The following ERP44 variants were observed in gnomAD, a reference collection of about 807,000 sequenced individuals.
ERP44 encodes endoplasmic reticulum resident protein 44.
ERP44 carries 25 observed loss-of-function variants against 53.4 expected under a neutral mutation model. The ratio of observed to expected loss-of-function variants is 0.47; its 90% CI spans 0.34 to 0.65. The LOEUF is 0.65. Among genes scored for constraint, ERP44 ranks in the 30% least tolerant of loss-of-function variants. The pLI, the probability that ERP44 is intolerant of heterozygous loss-of-function variation, is 0.01. For synonymous variants in ERP44, 145 were observed against 161.2 expected (o/e 0.90, Z 0.76); for missense variants, 338 against 493.2 (o/e 0.69, Z 2.98).
intron 1 of ERP44, among the ~76,000 whole-genome samples, chr9:100,067,036 A>C (rs1479087463): frequency 6.6e-6 from 1 of 152,222 alleles, no homozygotes; most frequent in Non-Finnish European, 1.5e-5. Flanking sequence ...CATCAGTGCA[A>C]CCCATCTTGG....
At chr9:100,051,210 G>C (rs1256491016) in intron 4 of ERP44, among the ~76,000 whole-genome samples, 1 of 152,284 alleles carries the variant, frequency 6.6e-6, no homozygotes, top group Non-Finnish European at 1.5e-5. Flanking sequence ...TTGCTGCCTA[G>C]CGCAAAGCTA....
intron 8 of ERP44, among the ~76,000 whole-genome samples, chr9:100,009,172 T>C (rs1554706776): frequency 6.6e-6 from 1 of 152,228 alleles, no homozygotes; most frequent in Non-Finnish European, 1.5e-5. Flanking sequence ...AGTGCACTAG[T>C]GCAATCTTGG....
At chr9:100,091,599 G>A (rs1406923507) in intron 1 of ERP44, among the ~76,000 whole-genome samples, 2 of 152,160 alleles carry the variant, frequency 1.3e-5, no homozygotes, top group African/African-American at 4.8e-5. Context: ...CTATGTTATT[G>A]AGAGGCACTG....
At chr9:100,017,371 A>C (rs1423882101) in intron 7 of ERP44, among the ~76,000 whole-genome samples, 1 of 152,226 alleles carries the variant, frequency 6.6e-6, no homozygotes, top group Non-Finnish European at 1.5e-5. Context: ...GGCACATTTG[A>C]CATTCAAACC....
rs1175775429 is a variant in ERP44 at position 99,982,725 on chromosome 9, AGAAT to A, written c.1120-16_1120-13del. 7.1e-6 allele frequency: 11 copies of A among 1,555,134 alleles called. No individual in the cohort carries two copies. The highest frequency in any genetic ancestry group is 4.1e-5 in the African/African-American group (3 of 72,484). ...ACATCTTGGGCTTGCTACAAAAGAAAGAATAAAACATTTTTATACCAATATAGTT... is the reference window on the plus strand; with the variant it reads ...ACATCTTGGGCTTGCTACAAAAGAAAAAAACATTTTTATACCAATATAGTT... On this transcript the variant is annotated splice_polypyrimidine_tract_variant and intron_variant, in intron 11 of 11. Coordinates refer to ENST00000262455, the MANE Select transcript of ERP44 (RefSeq NM_015051.3).
intron 1 of ERP44, among the ~76,000 whole-genome samples, chr9:100,085,512 G>A (rs1242267564): frequency 6.6e-6 from 1 of 152,202 alleles, no homozygotes; most frequent in Non-Finnish European, 1.5e-5. Context: ...TACCCCCATG[G>A]AAGCAATATT....
At position 100,022,085 on chromosome 9, in the gene ERP44, G is replaced by T. The variant is rs764876448; in HGVS notation, c.428C>A (p.Pro143His). The T allele has an allele frequency of 1.2e-6, 2 of 1,613,710 alleles. No homozygotes were observed. The highest frequency in any genetic ancestry group is 1.7e-5 in the Admixed American group (1 of 59,972). The change falls in exon 5 of 12, where the codon CCC becomes CAC. Residue 143 changes from proline (P) to histidine (H), a missense_variant. By Grantham distance (77) the Pro-to-His change is moderately conservative. Around this residue, in one of 3 missense-constraint regions of ERP44, gnomAD observed 224 missense variants for 301.4 expected, o/e 0.74. Transcript: ENST00000262455. Reference protein sequence around the residue: ...ADYIRQQKSDPIQEIRDLAEI... With the variant: ...ADYIRQQKSDHIQEIRDLAEI... ...TGCTAAGTCCCGAATTTCTTGAATG[G>T]GGTCACTTTTTTGTTGCCTGATGTA...
chr9:100,045,521 T>C (rs577895148), intron 4 of ERP44, among the ~76,000 whole-genome samples: 2 of 152,172 alleles, frequency 1.3e-5, no homozygotes, highest in Non-Finnish European at 1.5e-5. Context: ...TAAAGATAAC[T>C]AAAATATCCG....
At chr9:100,086,702 G>A (rs781116112) in intron 1 of ERP44, among the ~76,000 whole-genome samples, 15 of 152,112 alleles carry the variant, frequency 9.9e-5, no homozygotes, top group South Asian at 2.1e-4. Context: ...AAAAAGAGAG[G>A]GAGCTAGGAA....
At chr9:100,048,228 G>A (rs185640798) in intron 4 of ERP44, among the ~76,000 whole-genome samples, 29 of 152,106 alleles carry the variant, frequency 1.9e-4, no homozygotes, top group Admixed American at 1.6e-3. Flanking sequence ...GCTAAATGAC[G>A]AGTTAATGGG....
chr9:100,012,541 A>G (rs1480578225), intron 8 of ERP44, among the ~76,000 whole-genome samples: 2 of 152,222 alleles, frequency 1.3e-5, no homozygotes, highest in East Asian at 3.9e-4. Flanking sequence ...AGACACACCC[A>G]GAGAATCTCA....
chr9:100,083,437 G>A (rs1826448568), intron 1 of ERP44, among the ~76,000 whole-genome samples: 1 of 152,166 alleles, frequency 6.6e-6, no homozygotes, highest in African/African-American at 2.4e-5. Context: ...AGATAGGGGG[G>A]TTGATATCAG....
At chr9:100,023,262 C>T (rs1309587758) in intron 4 of ERP44, among the ~76,000 whole-genome samples, 1 of 151,682 alleles carries the variant, frequency 6.6e-6, no homozygotes, top group Non-Finnish European at 1.5e-5. Context: ...TAAATTGGTA[C>T]TACAAATTGA....
chr9:100,024,680 T>C (rs1830632894), intron 4 of ERP44, among the ~76,000 whole-genome samples: 1 of 152,164 alleles, frequency 6.6e-6, no homozygotes, highest in South Asian at 2.1e-4. Context: ...CATACACATA[T>C]ATTACAGATA....
intron 10 of ERP44, among the ~76,000 whole-genome samples, chr9:99,991,679 GGAGATAGA>G (rs986052302): frequency 1.5e-4 from 23 of 151,974 alleles, no homozygotes; most frequent in African/African-American, 4.1e-4. Flanking sequence ...CAGAAATGGA[GGAGATAGA>G]GACACAAAAA....
At chr9:100,062,975 G>A (rs1019038218) in intron 1 of ERP44, among the ~76,000 whole-genome samples, 2 of 150,292 alleles carry the variant, frequency 1.3e-5, no homozygotes, top group African/African-American at 4.9e-5. Flanking sequence ...TGGGGAGGCT[G>A]AGGCCACTGG....
intron 1 of ERP44, among the ~76,000 whole-genome samples, chr9:100,093,107 C>G (rs1380499930): frequency 6.6e-6 from 1 of 152,126 alleles, no homozygotes; most frequent in African/African-American, 2.4e-5. Context: ...ACCAAAATGT[C>G]TTAACAAATA....
chr9:99,996,056 T>C (rs1344913511), intron 10 of ERP44, among the ~76,000 whole-genome samples: 1 of 152,100 alleles, frequency 6.6e-6, no homozygotes, highest in Non-Finnish European at 1.5e-5. Flanking sequence ...TTTGTCTCTT[T>C]TATAATAGTC....
chr9:100,025,325 GA>G (rs1281347478), intron 4 of ERP44, among the ~76,000 whole-genome samples: 6 of 150,604 alleles, frequency 4.0e-5, no homozygotes, highest in South Asian at 2.1e-4. Flanking sequence ...AAAATTATGA[GA>G]AAAAAAAAGT....
Sources: gnomAD v4.1 joint callset for allele counts (sites outside exome capture counted in the v4.1 genomes callset) on GRCh38, gnomAD v4.1.1 for gene constraint, gnomAD v4.1.1 regional missense constraint, MANE v1.5 for transcripts, NCBI Gene and HGNC (gene_info 2026-07-23, HGNC 2026-07-21) for gene names.